Variants in NEK5 observed in about 807,000 individuals in gnomAD.
The protein encoded by NEK5 is NIMA related kinase 5.
Under a neutral mutation model 109.2 loss-of-function variants are expected in NEK5, and 88 were observed. The ratio of observed to expected loss-of-function variants is 0.81; its 90% confidence interval spans 0.68 to 0.96. The LOEUF is 0.96. Among genes scored for constraint, NEK5 ranks in the 40% least tolerant of loss-of-function variants. The probability of loss-of-function intolerance (pLI) is 0.00; values close to 1 mark genes in which losing one functional copy is unlikely to be tolerated. For synonymous variants in NEK5, 283 were observed against 299.9 expected, an observed-to-expected ratio of 0.94 and a Z score of 0.58; for missense variants, 834 against 920.7, an observed-to-expected ratio of 0.91 and a Z score of 1.22.
Position 52,127,617 on chromosome 13 carries a change from C to A in NEK5, c.-45G>T, listed in dbSNP as rs555167079. The A allele has an allele frequency of 7.7e-4, 485 of 630,960 alleles. No individual in the cohort carries two copies. The highest frequency in any genetic ancestry group is 2.8e-3 in the Admixed American group (101 of 36,402). 39.1% of individuals were successfully genotyped at this position (630,960 alleles called of 1,614,324 possible). ...CACTTAGCTAAAACTTTCCTCCCAG[C>A]CTTGCCAAGACAGAGACAAATAACT... On this transcript the variant is annotated 5_prime_UTR_variant, in exon 2 of 24. Coordinates refer to ENST00000684899, the MANE Select transcript of NEK5 (RefSeq NM_001365552.1).
chr13:52,113,348 G>A (rs1955792256), intron 4 of NEK5, among the ~76,000 whole-genome samples: 1 of 152,002 alleles, frequency 6.6e-6, no homozygotes, highest in Admixed American at 6.5e-5. Context: ...TTCTTGAACT[G>A]TAGTGAGTTA....
chr13:52,038,643 C>G (rs892378817), intron 23 of NEK5, among the ~76,000 whole-genome samples: 5 of 151,812 alleles, frequency 3.3e-5, no homozygotes, highest in Non-Finnish European at 7.4e-5. Flanking sequence ...CACTGTGTTA[C>G]CCAGGCTGGT....
At chr13:52,103,972 A>T (rs1442503843) in intron 9 of NEK5, among the ~76,000 whole-genome samples, 1 of 151,770 alleles carries the variant, frequency 6.6e-6, no homozygotes, top group African/African-American at 2.4e-5. Flanking sequence ...TTAATTAATT[A>T]TTTTTTTTAG....
At position 52,101,273 on chromosome 13, in the gene NEK5, G is replaced by A. The variant is rs1055001376; in HGVS notation, c.892+660C>T. On this transcript the variant is annotated intron_variant, in intron 11 of 23. Transcript: ENST00000684899. ...AAATTAGCCGGGAGTGGTGATGGGC[G>A]GCTGTAGTCCCAGCTACTCGGGAGG... is the stretch of plus-strand genomic sequence containing the variant. Among the ~76,000 whole-genome samples, 8 of 152,196 alleles carry A rather than the reference G, an allele frequency of 5.3e-5. No individual in the cohort carries two copies. In the South Asian group the frequency reaches 6.2e-4, roughly 12 times the overall value.
intron 9 of NEK5, among the ~76,000 whole-genome samples, chr13:52,104,164 T>C (rs921905784): frequency 3.3e-5 from 5 of 151,996 alleles, no homozygotes; most frequent in Non-Finnish European, 5.9e-5. Flanking sequence ...GTCACCATCA[T>C]GTTGGCCAGG....
At position 52,055,508 on chromosome 13, in the gene NEK5, A is replaced by G. The variant is rs185308440; in HGVS notation, c.2111-5287T>C. Reference sequence around the variant, plus strand: ...AAGACACATAATTGTCAGATTCACCAAAGTTGAAATGAAGGAAAAAATGTT... The same window carrying G: ...AAGACACATAATTGTCAGATTCACCGAAGTTGAAATGAAGGAAAAAATGTT... On this transcript the variant is annotated intron_variant, in intron 22 of 23. Coordinates refer to ENST00000684899, the MANE Select transcript of NEK5 (RefSeq NM_001365552.1). Among the ~76,000 whole-genome samples the G allele has an allele frequency of 4.8e-4, 73 of 152,288 alleles. 3 individuals are homozygous for G. In the East Asian group the frequency reaches 7.9e-3, roughly 17 times the overall value.
At chr13:52,072,574 A>C (rs1335444297) in intron 19 of NEK5, among the ~76,000 whole-genome samples, 2 of 152,144 alleles carry the variant, frequency 1.3e-5, no homozygotes, top group Non-Finnish European at 2.9e-5. Flanking sequence ...ACCTCACTTC[A>C]CAGAAGCTCT....
intron 22 of NEK5, among the ~76,000 whole-genome samples, chr13:52,055,414 G>A (rs903644598): frequency 8.7e-4 from 133 of 152,206 alleles, no homozygotes; most frequent in Non-Finnish European, 1.5e-3. Context: ...ATCTAGCAAG[G>A]CAGGCCAACA....
chr13:52,088,194 GC>G (rs1955194752), intron 14 of NEK5, among the ~76,000 whole-genome samples: 1 of 152,096 alleles, frequency 6.6e-6, no homozygotes, highest in Admixed American at 6.6e-5. Context: ...CTCCCAAAGT[GC>G]TGGGATTACA....
chr13:52,063,890 C>A (rs1202478070), intron 21 of NEK5, among the ~76,000 whole-genome samples: 2 of 151,964 alleles, frequency 1.3e-5, no homozygotes, highest in Non-Finnish European at 2.9e-5. Context: ...CCTCCCCATC[C>A]GGGAAGGAGG....
chr13:52,047,601 G>A (rs1797265972), intron 23 of NEK5, among the ~76,000 whole-genome samples: 1 of 152,164 alleles, frequency 6.6e-6, no homozygotes, highest in South Asian at 2.1e-4. Flanking sequence ...TACTTTATGG[G>A]AGGCCCAGGT....
intron 8 of NEK5, among the ~76,000 whole-genome samples, chr13:52,105,863 A>T (rs566832563): frequency 1.3e-5 from 2 of 152,168 alleles, no homozygotes; most frequent in South Asian, 4.1e-4. Context: ...GTCTTTCAAT[A>T]TTTAATTTTT....
chr13:52,065,720 C>G, intron 20 of NEK5, 111 bp from the exon 21 acceptor site: 1 of 701,048 alleles, frequency 1.4e-6, no homozygotes, highest in Admixed American at 2.4e-5. Flanking sequence ...TGTTCAAAAC[C>G]AGAAAAATGA....
chr13:52,092,618 G>A (rs144410186), intron 13 of NEK5, among the ~76,000 whole-genome samples: 2,376 of 152,272 alleles, frequency 0.016, 71 homozygotes, highest in Admixed American at 0.08. Context: ...AGGCATGGTG[G>A]CTCATGCCTG....
chr13:52,068,067 GT>G (rs1316251882), intron 20 of NEK5, among the ~76,000 whole-genome samples: 2 of 152,020 alleles, frequency 1.3e-5, no homozygotes, highest in Non-Finnish European at 2.9e-5. Flanking sequence ...GGAGAACAGG[GT>G]GGAGCTGCCA....
At chr13:52,061,429 G>T (rs182900316) in intron 22 of NEK5, among the ~76,000 whole-genome samples, 2 of 152,162 alleles carry the variant, frequency 1.3e-5, no homozygotes, top group Admixed American at 1.3e-4. Flanking sequence ...CTAAAAATTG[G>T]AGGAAAAAAA....
At chr13:52,104,615 C>T (rs1955615264) in intron 8 of NEK5, 63 bp from the exon 9 acceptor site, 8 of 1,066,446 alleles carry the variant, frequency 7.5e-6, no homozygotes, top group Non-Finnish European at 1.2e-5. Flanking sequence ...AAGCTTTTAT[C>T]CTTACAGTGC....
chr13:52,092,962 G>T, intron 13 of NEK5, 92 bp downstream of exon 13: 1 of 825,758 alleles, frequency 1.2e-6, no homozygotes, highest in Non-Finnish European at 1.9e-6. Flanking sequence ...TGGATTATTT[G>T]TGTTAGGAGA....
chr13:52,089,831 A>AG (rs1955239151), intron 13 of NEK5, among the ~76,000 whole-genome samples: 2 of 152,048 alleles, frequency 1.3e-5, no homozygotes, highest in East Asian at 3.9e-4. Flanking sequence ...GCTAAAAAAA[A>AG]TTAGTGGGGC....
Sources: allele counts gnomAD v4.1 joint callset (sites outside exome capture counted in the v4.1 genomes callset), GRCh38; gene constraint gnomAD v4.1.1; transcripts MANE v1.5; gene names NCBI Gene and HGNC (gene_info 2026-07-23, HGNC 2026-07-21).